MAML3: variants seen among roughly 807,000 people sequenced by gnomAD.
MAML3 encodes the protein mastermind like transcriptional coactivator 3.
In MAML3, 27 loss-of-function variants were observed where a neutral mutation model predicts 101.9. The observed-to-expected ratio is 0.27, with a 90% CI of 0.20 to 0.37. The LOEUF is 0.37. Ranked by LOEUF, MAML3 falls within the 10% of genes least tolerant of loss-of-function variation. MAML3 has a pLI of 1.00. For missense variants in MAML3, 1,316 were observed against 1,444.9 expected (o/e 0.91, Z 1.45); for synonymous variants, 501 against 555.9 (o/e 0.90, Z 1.39).
chr4:139,920,575 C>T (rs1733106896), intron 1 of MAML3, among the ~76,000 whole-genome samples: 1 of 152,244 alleles, frequency 6.6e-6, no homozygotes. Context: ...ATACAACATG[C>T]ACACACTGTT....
chr4:139,856,136 C>G (rs944418487), intron 2 of MAML3, among the ~76,000 whole-genome samples: 2 of 152,216 alleles, frequency 1.3e-5, no homozygotes, highest in African/African-American at 4.8e-5. Context: ...TTTATCTCCC[C>G]TGTTCCTACC....
At chr4:139,788,866 G>T (rs1251764859) in intron 2 of MAML3, among the ~76,000 whole-genome samples, 1 of 152,210 alleles carries the variant, frequency 6.6e-6, no homozygotes, top group Non-Finnish European at 1.5e-5. Context: ...GAGTGGGCTT[G>T]AGTTCTTGAT....
intron 3 of MAML3, among the ~76,000 whole-genome samples, chr4:139,726,968 C>T (rs925517353): frequency 2.6e-5 from 4 of 152,196 alleles, no homozygotes; most frequent in Admixed American, 2.0e-4. Context: ...CTGCTCCCTG[C>T]AGCTGCTGAA....
At chr4:139,977,296 G>T (rs796655055) in intron 1 of MAML3, among the ~76,000 whole-genome samples, 2 of 152,042 alleles carry the variant, frequency 1.3e-5, no homozygotes, top group Admixed American at 6.6e-5. Context: ...CCCAGAGTAC[G>T]CAGGACGGCC....
chr4:140,015,206 T>C (rs2110866707), intron 1 of MAML3, among the ~76,000 whole-genome samples: 1 of 152,228 alleles, frequency 6.6e-6, no homozygotes, highest in East Asian at 1.9e-4. Flanking sequence ...TATTGTCTAC[T>C]GATGCACTTT....
At chr4:140,056,296 A>G (rs996798455) in intron 1 of MAML3, among the ~76,000 whole-genome samples, 22 of 152,088 alleles carry the variant, frequency 1.4e-4, no homozygotes, top group African/African-American at 3.9e-4. Flanking sequence ...TGTTCTAAAA[A>G]GCACCTATTT....
Position 140,040,091 on chromosome 4 carries a change from C to T in MAML3, c.468+112769G>A, listed in dbSNP as rs1405905203. ...AAAGGCCCAGGAAAGGGGTGGGGTG[C>T]TACCGAATTCTGACTTTTTTCCTTT... On this transcript the variant is annotated intron_variant, in intron 1 of 4. Coordinates refer to ENST00000509479, the MANE Select transcript of MAML3 (RefSeq NM_018717.5). Among the ~76,000 whole-genome samples the T allele has an allele frequency of 2.0e-5, 3 of 152,294 alleles. No homozygotes were observed. In the East Asian group the frequency reaches 5.8e-4, roughly 29 times the overall value.
At chr4:139,859,743 G>T (rs1029338006) in intron 2 of MAML3, among the ~76,000 whole-genome samples, 1 of 152,190 alleles carries the variant, frequency 6.6e-6, no homozygotes, top group Non-Finnish European at 1.5e-5. Context: ...AATCTGAGAC[G>T]TAAGGAGGTT....
intron 1 of MAML3, among the ~76,000 whole-genome samples, chr4:140,137,175 A>T (rs1308688686): frequency 6.6e-6 from 1 of 151,118 alleles, no homozygotes; most frequent in East Asian, 1.9e-4. Context: ...TTTTTAGTAG[A>T]GACGGGATTT....
intron 2 of MAML3, among the ~76,000 whole-genome samples, chr4:139,824,060 T>C (rs1478793413): frequency 6.6e-6 from 1 of 152,170 alleles, no homozygotes; most frequent in Admixed American, 6.5e-5. Context: ...GTAAAATATA[T>C]ACTGAAGCAG....
At chr4:139,973,838 T>C (rs1734271217) in intron 1 of MAML3, among the ~76,000 whole-genome samples, 1 of 152,130 alleles carries the variant, frequency 6.6e-6, no homozygotes, top group East Asian at 1.9e-4. Context: ...GCAACAAAAA[T>C]AGCTGTGTCA....
At position 139,717,936 on chromosome 4, in the gene MAML3, A is replaced by C. The variant is rs1020369309; in HGVS notation, c.*1387T>G. The stretch of plus-strand genomic sequence containing the variant: ...GAGAACAACTGTACAGGACTTTGGA[A>C]GAGGACTACTTTGCCCATATGAAAT... On this transcript the variant is annotated 3_prime_UTR_variant, in exon 5 of 5. Transcript: ENST00000509479. 7.2e-5 allele frequency: 11 copies of C among 152,208 alleles called. 1 individual carries two copies. Among genetic ancestry groups the C allele is most frequent in the Admixed American group, 6.5e-4 (10 of 15,284 alleles). The allele number at this position is 152,208 out of a possible 1,614,324, so 9.4% of individuals were successfully genotyped here.
chr4:140,043,748 C>T (rs1727130289), intron 1 of MAML3, among the ~76,000 whole-genome samples: 1 of 152,148 alleles, frequency 6.6e-6, no homozygotes, highest in Admixed American at 6.6e-5. Flanking sequence ...ACTAAGACAA[C>T]ACTATCAGTT....
intron 1 of MAML3, among the ~76,000 whole-genome samples, chr4:140,059,291 A>G (rs1209288247): frequency 1.3e-5 from 2 of 152,228 alleles, no homozygotes; most frequent in Non-Finnish European, 2.9e-5. Flanking sequence ...GGTAAAATCA[A>G]CACAGTCACA....
intron 1 of MAML3, among the ~76,000 whole-genome samples, chr4:139,935,190 A>C (rs1173496076): frequency 1.3e-5 from 2 of 150,076 alleles, no homozygotes; most frequent in East Asian, 3.9e-4. Context: ...AGATGCAGTT[A>C]CATGGCAACC....
At chr4:140,001,064 C>T (rs961543631) in intron 1 of MAML3, among the ~76,000 whole-genome samples, 1 of 152,034 alleles carries the variant, frequency 6.6e-6, no homozygotes, top group African/African-American at 2.4e-5. Context: ...AAGATTTGGC[C>T]TTTTTTTGCT....
rs973298287 is a variant in MAML3, at chr4:139,864,937, T to G, written c.2079+24420A>C. On this transcript the variant is annotated intron_variant, in intron 2 of 4. Transcript: ENST00000509479. ...ATGCAAACTTGCTTTTTTTTTTTTT[T>G]TTTTTTTTTTTTTTTTGCCACAAAG... Among the ~76,000 whole-genome samples, 520 of 143,810 alleles carry G rather than the reference T, an allele frequency of 3.6e-3. 21 individuals carry two copies. Among genetic ancestry groups the G allele is most frequent in the African/African-American group, 9.3e-3 (365 of 39,060 alleles). 94.3% of individuals were successfully genotyped at this position (143,810 alleles called of 152,430 possible). A position where few individuals can be genotyped will look rare whatever the true frequency, so the allele number is the denominator to read the frequency against.
At chr4:140,150,560 G>T (rs960212582) in intron 1 of MAML3, among the ~76,000 whole-genome samples, 1 of 152,198 alleles carries the variant, frequency 6.6e-6, no homozygotes, top group African/African-American at 2.4e-5. Context: ...GATCCCCAAA[G>T]GTTGTGAGAG....
chr4:139,836,358 T>C (rs1731255526), intron 2 of MAML3, among the ~76,000 whole-genome samples: 1 of 152,014 alleles, frequency 6.6e-6, no homozygotes, highest in African/African-American at 2.4e-5. Flanking sequence ...GAAGGGGCAA[T>C]TGGGAGAAAA....
Sources: allele counts gnomAD v4.1 joint callset (sites outside exome capture counted in the v4.1 genomes callset), GRCh38; gene constraint gnomAD v4.1.1; transcripts MANE v1.5; gene names NCBI Gene and HGNC (gene_info 2026-07-23, HGNC 2026-07-21).